Variants in TCTN3 observed in about 807,000 individuals in gnomAD.
The protein encoded by TCTN3 is tectonic-3.
Under a neutral mutation model 71.3 loss-of-function variants are expected in TCTN3, and 57 were observed. That is an observed-to-expected ratio of 0.80 (90% CI 0.65 to 1.00). The LOEUF is 1.00. Among genes scored for constraint, TCTN3 ranks in the 50% least tolerant of loss-of-function variants. The pLI is 0.00. For missense variants in TCTN3, 696 were observed against 719.9 expected (o/e 0.97, Z 0.38); for synonymous variants, 258 against 267.8 (o/e 0.96, Z 0.36).
rs1160481733 is a variant in TCTN3 at position 95,664,035 on chromosome 10, G to C, written c.*32C>G. On this transcript the variant is annotated 3_prime_UTR_variant, in exon 14 of 14. Coordinates refer to ENST00000371217, the MANE Select transcript of TCTN3 (RefSeq NM_015631.6). ...AGTGGCTGCCTCAGAGTTTCTCATA[G>C]GGAAAACTGAAATCTGATTATTTTC... The C allele has an allele frequency of 1.3e-6, 2 of 1,599,650 alleles. No individual in the cohort carries two copies. Among genetic ancestry groups the C allele is most frequent in the Non-Finnish European group, 1.7e-6 (2 of 1,167,614 alleles).
chr10:95,687,380 T>C (rs1371751469), intron 4 of TCTN3, 25 bp from the exon 5 acceptor site: 1 of 1,580,132 alleles, frequency 6.3e-7, no homozygotes, highest in Non-Finnish European at 8.6e-7. Flanking sequence ...AAAGAAACTT[T>C]GTTCACAGTG....
chr10:95,674,063 A>G (rs1247235204), intron 13 of TCTN3, among the ~76,000 whole-genome samples: 1 of 152,184 alleles, frequency 6.6e-6, no homozygotes, highest in Non-Finnish European at 1.5e-5. Context: ...AGCCCTTAGC[A>G]TTTCCATTTA....
intron 13 of TCTN3, among the ~76,000 whole-genome samples, chr10:95,672,176 G>GTGTGTGTGTGTGTGTGT (rs1555268634): frequency 6.6e-6 from 1 of 151,740 alleles, no homozygotes; most frequent in Admixed American, 6.6e-5. Flanking sequence ...GTGTGTGTCT[G>GTGTGTGTGTGTGTGTGT]GCTTCTTTCA....
chr10:95,671,694 T>C (rs1054673672), intron 13 of TCTN3, among the ~76,000 whole-genome samples: 1 of 152,210 alleles, frequency 6.6e-6, no homozygotes, highest in Non-Finnish European at 1.5e-5. Flanking sequence ...TTATTTTACA[T>C]ATATAAGAAC....
chr10:95,693,063 A>G (rs757644690), intron 2 of TCTN3, 25 bp from the exon 3 acceptor site: 74 of 1,560,608 alleles, frequency 4.7e-5, no homozygotes, highest in Non-Finnish European at 6.5e-5. Flanking sequence ...GAGGGAGAAG[A>G]TATATTTAGA....
intron 13 of TCTN3, among the ~76,000 whole-genome samples, chr10:95,668,768 T>C (rs77345969): frequency 7.0e-4 from 106 of 152,286 alleles, no homozygotes; most frequent in African/African-American, 2.4e-3. Context: ...TAGATGGCAG[T>C]ACAAGAAAGT....
At position 95,693,488 on chromosome 10, in the gene TCTN3, C is replaced by A; in HGVS notation, c.257-12G>T. The stretch of plus-strand genomic sequence containing the variant: ...ACAGATCGGTAAGACTATGAAAGTA[C>A]GACACAGAGTGAGTGGGATGAAGAT... On this transcript the variant is annotated splice_polypyrimidine_tract_variant and intron_variant, in intron 1 of 13. Coordinates refer to ENST00000371217, the MANE Select transcript of TCTN3 (RefSeq NM_015631.6). 1.3e-6 allele frequency: 2 copies of A among 1,552,170 alleles called. No individual in the cohort carries two copies. The highest frequency in any genetic ancestry group is 1.7e-6 in the Non-Finnish European group (2 of 1,147,078).
At chr10:95,688,201 C>T (rs1157356666) in intron 3 of TCTN3, among the ~76,000 whole-genome samples, 1 of 151,648 alleles carries the variant, frequency 6.6e-6, no homozygotes, top group African/African-American at 2.4e-5. Context: ...CCAGCCTGGC[C>T]AACATACTGA....
chr10:95,676,884 A>C (rs1489807722), intron 13 of TCTN3, among the ~76,000 whole-genome samples: 1 of 152,196 alleles, frequency 6.6e-6, no homozygotes, highest in Non-Finnish European at 1.5e-5. Context: ...TAATCTGTAC[A>C]ACCCAATGAG....
Position 95,683,519 on chromosome 10 carries a change from T to C in TCTN3, c.1203+3A>G. The C allele has an allele frequency of 6.2e-7, 1 of 1,614,222 alleles. No homozygotes were observed. Among genetic ancestry groups the C allele is most frequent in the Non-Finnish European group, 8.5e-7 (1 of 1,180,032 alleles). On this transcript the variant is annotated splice_donor_region_variant and intron_variant, in intron 10 of 13. Coordinates refer to ENST00000371217, the MANE Select transcript of TCTN3 (RefSeq NM_015631.6). ...ACAGGCCACCCAGCTCTAAAAAGGA[T>C]ACTGAGTAACTTATATCATCAGTCA...
chr10:95,690,151 T>C (rs2097952216), intron 3 of TCTN3, among the ~76,000 whole-genome samples: 1 of 151,828 alleles, frequency 6.6e-6, no homozygotes, highest in African/African-American at 2.4e-5. Context: ...ACCCAGCTAA[T>C]TTTCCTATTT....
chr10:95,693,351 A>T lies in TCTN3; in HGVS notation c.380+2T>A. On this transcript the variant is annotated splice_donor_variant, in intron 2 of 13. Transcript: ENST00000371217. LOFTEE classifies it high-confidence loss of function. ...GGATTCAGTCTGAGCAACGAAGCTCACCTTACGCTGCCTGGAAGGCAGAAG... is the reference window on the plus strand; with the variant it reads ...GGATTCAGTCTGAGCAACGAAGCTCTCCTTACGCTGCCTGGAAGGCAGAAG... 6.4e-7 allele frequency: 1 copy of T among 1,551,734 alleles called. No homozygotes were observed. The highest frequency in any genetic ancestry group is 8.7e-7 in the Non-Finnish European group (1 of 1,146,946).
At chr10:95,666,363 G>A (rs1053831382) in intron 13 of TCTN3, among the ~76,000 whole-genome samples, 4 of 152,050 alleles carry the variant, frequency 2.6e-5, no homozygotes, top group East Asian at 1.9e-4. Flanking sequence ...TGAAGCTGCC[G>A]AGGGATTCCT....
rs1210939736 is a variant in TCTN3 at position 95,693,354 on chromosome 10, T to TGAGC, written c.378_379insGCTC (p.Arg127AlafsTer18). 1 of 1,551,812 alleles carries TGAGC rather than the reference T, an allele frequency of 6.4e-7. No homozygotes were observed. Among genetic ancestry groups the TGAGC allele is most frequent in the South Asian group, 1.2e-5 (1 of 84,064 alleles). On this transcript the variant is annotated frameshift_variant and splice_region_variant, in exon 2 of 14. Coordinates refer to ENST00000371217, the MANE Select transcript of TCTN3 (RefSeq NM_015631.6). LOFTEE classifies it high-confidence loss of function. The stretch of plus-strand genomic sequence containing the variant: ...TTCAGTCTGAGCAACGAAGCTCACC[T>TGAGC]TACGCTGCCTGGAAGGCAGAAGGAG...
At position 95,664,289 on chromosome 10, in the gene TCTN3, T is replaced by C. The variant is rs2097924028; in HGVS notation, c.1602A>G (p.Gln534=). The C allele has an allele frequency of 6.2e-7, 1 of 1,613,988 alleles. No individual in the cohort carries two copies. Among genetic ancestry groups the C allele is most frequent in the Non-Finnish European group, 8.5e-7 (1 of 1,179,846 alleles). Reference sequence around the variant, plus strand: ...GAGTTGTCAAAGATACTTCTGTAACTTGCTGAGAATCCTACGGGAAGAAAG... The same window carrying C: ...GAGTTGTCAAAGATACTTCTGTAACCTGCTGAGAATCCTACGGGAAGAAAG... The part of the protein sequence containing the change: ...YQCQSIQDSQ[Q]VTEVSLTTLV... The change falls in exon 14 of 14, where the codon CAA becomes CAG. Residue 534 remains glutamine, a synonymous_variant. Coordinates refer to ENST00000371217, the MANE Select transcript of TCTN3 (RefSeq NM_015631.6).
At chr10:95,668,179 A>G (rs566410973) in intron 13 of TCTN3, among the ~76,000 whole-genome samples, 15 of 151,908 alleles carry the variant, frequency 9.9e-5, no homozygotes, top group African/African-American at 3.6e-4. Flanking sequence ...GAACAAAAAG[A>G]TAAGGAGATA....
chr10:95,687,990 T>C (rs2097950090), intron 3 of TCTN3, among the ~76,000 whole-genome samples: 1 of 152,210 alleles, frequency 6.6e-6, no homozygotes, highest in Admixed American at 6.5e-5. Context: ...TTAACTGAAT[T>C]ATTGTTTTAA....
At chr10:95,688,493 A>G (rs993492336) in intron 3 of TCTN3, among the ~76,000 whole-genome samples, 1 of 151,802 alleles carries the variant, frequency 6.6e-6, no homozygotes, top group Non-Finnish European at 1.5e-5. Flanking sequence ...ACAGAATCGC[A>G]CTATTTCCAT....
chr10:95,685,759 T>C, intron 7 of TCTN3, 123 bp from the exon 8 acceptor site: 1 of 661,478 alleles, frequency 1.5e-6, no homozygotes, highest in Admixed American at 2.8e-5. Flanking sequence ...CTCTCTCTTC[T>C]TCCAGTGCCA....
Sources: gnomAD v4.1 joint callset for allele counts (sites outside exome capture counted in the v4.1 genomes callset) on GRCh38, gnomAD v4.1.1 for gene constraint, MANE v1.5 for transcripts, NCBI Gene and HGNC (gene_info 2026-07-23, HGNC 2026-07-21) for gene names.